The following ABCA2 variants were observed in gnomAD, a reference collection of about 807,000 sequenced individuals.
ABCA2 encodes the protein ATP-binding cassette sub-family A member 2.
ABCA2 carries 84 observed loss-of-function variants against 262.8 expected under a neutral mutation model. That is an observed-to-expected ratio of 0.32 (90% CI 0.27 to 0.38). The LOEUF (loss-of-function observed/expected upper bound fraction) is 0.38. Ranked by LOEUF, ABCA2 falls within the 10% of genes least tolerant of loss-of-function variation. The pLI, the probability that ABCA2 is intolerant of heterozygous loss-of-function variation, is 1.00. For synonymous variants in ABCA2, 1,696 were observed against 1,502.9 expected (o/e 1.13, Z -2.97); for missense variants, 2,662 against 3,405.9 (o/e 0.78, Z 5.44).
chr9:137,015,766 GC>G lies in ABCA2; in HGVS notation c.3422del (p.Gly1141AlafsTer27). The G allele has an allele frequency of 6.2e-7, 1 of 1,612,420 alleles. No individual in the cohort carries two copies. Among genetic ancestry groups the G allele is most frequent in the Non-Finnish European group, 8.5e-7 (1 of 1,179,840 alleles). On this transcript the variant is annotated frameshift_variant, in exon 23 of 49. Coordinates refer to ENST00000341511, the MANE Select transcript of ABCA2 (RefSeq NM_001606.5). LOFTEE classifies it high-confidence loss of function. ...KLSVAIAFVGGSRAIILDEPT... is the reference protein window; with the variant it reads ...KLSVAIAFVGXSRAIILDEPT... ...GCTCGTCCAGGATGATGGCGCGAGA[GC>G]CGCCCACGAAGGCGATGGCCACGGA...
At chr9:137,020,193 G>T in intron 10 of ABCA2, 143 bp downstream of exon 10, 1 of 1,105,778 alleles carries the variant, frequency 9.0e-7, no homozygotes, top group Non-Finnish European at 1.3e-6. Context: ...TCCCCCACCT[G>T]CAGAGCCTGT....
At chr9:137,024,944 G>A (rs1051786558) in intron 1 of ABCA2, among the ~76,000 whole-genome samples, 5 of 152,098 alleles carry the variant, frequency 3.3e-5, no homozygotes, top group Non-Finnish European at 5.9e-5. Flanking sequence ...GACTACAGGC[G>A]CCCGCCACCA....
chr9:137,016,990 A>T lies in ABCA2; in HGVS notation c.2688T>A (p.Ala896=). The T allele has an allele frequency of 6.2e-7, 1 of 1,612,814 alleles. No individual in the cohort carries two copies. The highest frequency in any genetic ancestry group is 8.5e-7 in the Non-Finnish European group (1 of 1,179,980). ...CGGCGTCCACCATCAGCATGGTGAC[A>T]GCCAGGAGCAAGTTGAAGTCGTCCC... is the stretch of plus-strand genomic sequence containing the variant. The part of the protein sequence containing the change: ...VEGDDFNLLL[A]VTMLMVDAVV... The change falls in exon 19 of 49, where the codon GCT becomes GCA. Residue 896 remains alanine (A), a synonymous_variant. Transcript: ENST00000341511.
chr9:137,011,799 G>A lies in ABCA2; in HGVS notation c.5535+45C>T, dbSNP rs554964256. 1.2e-5 allele frequency: 18 copies of A among 1,553,026 alleles called. No individual in the cohort carries two copies. In the Admixed American group the frequency reaches 3.5e-4, roughly 30 times the overall value. ...AGAGACCCGGGGCAGGGCGGGGATGGGGGATGAGAAGGGCCGGGGCACCCC... is the reference window on the plus strand; with the variant it reads ...AGAGACCCGGGGCAGGGCGGGGATGAGGGATGAGAAGGGCCGGGGCACCCC... On this transcript the variant is annotated intron_variant, in intron 35 of 48. Transcript: ENST00000341511. The surrounding 1 kb of genome is among the most constrained non-coding windows in gnomAD (Gnocchi z 8.8).
chr9:137,007,781 A>T lies in ABCA2; in HGVS notation c.*148T>A. 1.8e-6 allele frequency: 2 copies of T among 1,119,728 alleles called. No individual in the cohort carries two copies. Among genetic ancestry groups the T allele is most frequent in the Non-Finnish European group, 2.6e-6 (2 of 775,866 alleles). The allele number at this position is 1,119,728 out of a possible 1,614,324, so 69.4% of individuals were successfully genotyped here. ...GTGACCACAGGGCATGGCCGAGTAC[A>T]GGGGCTGGAGGACCAGAAGCCCCTT... On this transcript the variant is annotated 3_prime_UTR_variant, in exon 49 of 49. Transcript: ENST00000341511.
chr9:137,028,500 C>T (rs1336039385), upstream of ABCA2, among the ~76,000 whole-genome samples: 1 of 151,634 alleles, frequency 6.6e-6, no homozygotes, highest in African/African-American at 2.4e-5. The surrounding 1 kb of genome is among the most constrained non-coding windows in gnomAD (Gnocchi z 6.9). Flanking sequence ...TCCGAGACCC[C>T]GGCTTAGCCT....
rs1464381379 is a variant in ABCA2, at chr9:137,019,721, T to A, written c.1426-415A>T. On this transcript the variant is annotated intron_variant, in intron 10 of 48. Transcript: ENST00000341511. The surrounding 1 kb of genome is among the most constrained non-coding windows in gnomAD (Gnocchi z 4.4). Reference sequence around the variant, plus strand: ...TCAAGCGTGAGTCCCACGCCCGGGCTCTCCACTCCTTTCTGCGGCGCTCAG... The same window carrying A: ...TCAAGCGTGAGTCCCACGCCCGGGCACTCCACTCCTTTCTGCGGCGCTCAG... 9.9e-6 allele frequency: 2 copies of A among 201,938 alleles called. No individual in the cohort carries two copies. Among genetic ancestry groups the A allele is most frequent in the Non-Finnish European group, 2.0e-5 (2 of 97,608 alleles). The allele number at this position is 201,938 out of a possible 1,614,324, so 12.5% of individuals were successfully genotyped here.
chr9:137,015,890 G>T lies in ABCA2; in HGVS notation c.3318-19C>A. The T allele has an allele frequency of 6.2e-7, 1 of 1,607,256 alleles. No individual in the cohort carries two copies. The highest frequency in any genetic ancestry group is 8.5e-7 in the Non-Finnish European group (1 of 1,175,942). The stretch of plus-strand genomic sequence containing the variant: ...GATCATCCTGGGACAGGGAGGTGGG[G>T]CATGGGGCTGCTGCTATGCAGAGCC... On this transcript the variant is annotated intron_variant, in intron 22 of 48. Transcript: ENST00000341511.
At position 137,014,396 on chromosome 9, in the gene ABCA2, C is replaced by A; in HGVS notation, c.4012G>T (p.Glu1338Ter). ...SLENSEADVK[E>*]SRKDVLPGAE... Reference sequence around the variant, plus strand: ...CCAGGGAGCACATCCTTCCTGGACTCCTTCACATCTGCCGCAGTGGAAGGG... The same window carrying A: ...CCAGGGAGCACATCCTTCCTGGACTACTTCACATCTGCCGCAGTGGAAGGG... Residue 1338 changes from glutamate (E) to a stop codon, truncating the protein, a stop_gained, in exon 27 of 49, where the codon GAG (glutamate) becomes TAG (stop). Coordinates refer to ENST00000341511, the MANE Select transcript of ABCA2 (RefSeq NM_001606.5). LOFTEE classifies it high-confidence loss of function. 1 of 1,590,162 alleles carries A rather than the reference C, an allele frequency of 6.3e-7. No homozygotes were observed. Among genetic ancestry groups the A allele is most frequent in the Non-Finnish European group, 8.6e-7 (1 of 1,169,202 alleles).
intron 39 of ABCA2, 21 bp from the exon 40 acceptor site, chr9:137,010,758 G>A: frequency 1.3e-6 from 2 of 1,595,856 alleles, no homozygotes; most frequent in East Asian, 2.2e-5. Context: ...AGGGTGGACA[G>A]TGTCCAGCAG....
chr9:137,021,710 G>A lies in ABCA2; in HGVS notation c.679-100C>T. ...CTGCCCCACCCACTGGCTGGCTCTGGGGCTGCCTGGGTCCCACGACATGCC... is the reference window on the plus strand; with the variant it reads ...CTGCCCCACCCACTGGCTGGCTCTGAGGCTGCCTGGGTCCCACGACATGCC... On this transcript the variant is annotated intron_variant, in intron 7 of 48. Coordinates refer to ENST00000341511, the MANE Select transcript of ABCA2 (RefSeq NM_001606.5). This position sits in a 1 kb window ranked among gnomAD's most constrained non-coding sequence, Gnocchi z 6.0. The A allele has an allele frequency of 7.4e-7, 1 of 1,348,222 alleles. No homozygotes were observed. Among genetic ancestry groups the A allele is most frequent in the Admixed American group, 2.1e-5 (1 of 48,044 alleles). The allele number at this position is 1,348,222 out of a possible 1,614,324, so 83.5% of individuals were successfully genotyped here. A position where few individuals can be genotyped will look rare whatever the true frequency, so the allele number is the denominator to read the frequency against.
At position 137,017,775 on chromosome 9, in the gene ABCA2, C is replaced by T. The variant is rs778938912; in HGVS notation, c.2211+12G>A. On this transcript the variant is annotated intron_variant, in intron 16 of 48. Transcript: ENST00000341511. ...CAGCCCGCGCCTCCAGGGAGAGTCC[C>T]GGCCCGCGCACCTCCTTGAGCCGGT... 29 of 1,611,926 alleles carry T rather than the reference C, an allele frequency of 1.8e-5. No individual in the cohort carries two copies. Among genetic ancestry groups the T allele is most frequent in the Non-Finnish European group, 2.3e-5 (27 of 1,179,608 alleles).
chr9:137,015,831 G>C lies in ABCA2; in HGVS notation c.3358C>G (p.Leu1120Val). 6.2e-7 allele frequency: 1 copy of C among 1,611,710 alleles called. No individual in the cohort carries two copies. Among genetic ancestry groups the C allele is most frequent in the African/African-American group, 1.3e-5 (1 of 75,054 alleles). ...DLELSNKRHSLVQTLSGGMKR... is the reference protein window; with the variant it reads ...DLELSNKRHSVVQTLSGGMKR... ...ATGCCACCCGACAATGTCTGCACCA[G>C]TGAGTGCCGTTTGTTGGAGAGCTCC... The change falls in exon 23 of 49, where the codon CTG becomes GTG. Residue 1120 changes from leucine to valine, a missense_variant. Around this residue, in one of 12 missense-constraint regions of ABCA2, gnomAD observed 180 missense variants for 307.3 expected, o/e 0.59. Coordinates refer to ENST00000341511, the MANE Select transcript of ABCA2 (RefSeq NM_001606.5).
chr9:137,014,604 C>G (rs756239810), intron 26 of ABCA2, 86 bp downstream of exon 26: 1 of 1,526,522 alleles, frequency 6.6e-7, no homozygotes, highest in Non-Finnish European at 8.8e-7. Flanking sequence ...GGTGGCGCCC[C>G]CAGACACCAG....
Position 137,017,062 on chromosome 9 carries a change from G to A in ABCA2, c.2616C>T (p.Ala872=), listed in dbSNP as rs769283609. Residue 872 remains alanine, a synonymous_variant, in exon 19 of 49, where the codon GCC becomes GCT. Transcript: ENST00000341511. ...GSKYFALYEV[A]GVGIQWHTFS... is the part of the protein sequence containing the mutation. ...AGGTGTGCCACTGGATGCCCACGCC[G>A]GCCACCTCATACAGCGCGAAGTACT... The A allele has an allele frequency of 1.9e-5, 31 of 1,612,626 alleles. No homozygotes were observed. In the East Asian group the frequency reaches 3.1e-4, roughly 16 times the overall value.
rs777826954 is a variant in ABCA2, at chr9:137,010,751, G to T, written c.6057-14C>A. Reference sequence around the variant, plus strand: ...ACAGGCATGCGCCTTGGGGGACAGGGTGGACAGTGTCCAGCAGCTCGCCAC... The same window carrying T: ...ACAGGCATGCGCCTTGGGGGACAGGTTGGACAGTGTCCAGCAGCTCGCCAC... On this transcript the variant is annotated splice_polypyrimidine_tract_variant and intron_variant, in intron 39 of 48. Transcript: ENST00000341511. 24 of 1,608,512 alleles carry T rather than the reference G, an allele frequency of 1.5e-5. No homozygotes were observed. In the South Asian group the frequency reaches 2.4e-4, roughly 16 times the overall value.
intron 46 of ABCA2, 39 bp from the exon 47 acceptor site, chr9:137,008,907 C>T (rs375127084): frequency 6.3e-7 from 1 of 1,588,720 alleles, no homozygotes; most frequent in Non-Finnish European, 8.5e-7. Context: ...AGCGCCCCCC[C>T]ACCCCGTAGC....
In ABCA2 at chr9:137,018,034, C is replaced by T. The variant is rs1588519749; in HGVS notation, c.2035G>A (p.Asp679Asn). 6.2e-7 allele frequency: 1 copy of T among 1,612,738 alleles called. No homozygotes were observed. Among genetic ancestry groups the T allele is most frequent in the Middle Eastern group, 1.7e-4 (1 of 6,060 alleles). ...RAIIDTFVGH[D>N]VVEPGSYVQM... Reference sequence around the variant, plus strand: ...ACGTAGCTGCCTGGCTCCACCACATCGTGCCCCACAAAAGTGTCGATGATG... The same window carrying T: ...ACGTAGCTGCCTGGCTCCACCACATTGTGCCCCACAAAAGTGTCGATGATG... Residue 679 changes from aspartate (D) to asparagine (N), a missense_variant, in exon 15 of 49, where the codon GAT (aspartate) becomes AAT (asparagine). Physicochemically the swap from Asp to Asn is conservative, Grantham distance 23. Around this residue, in one of 12 missense-constraint regions of ABCA2, gnomAD observed 188 missense variants for 343.4 expected, o/e 0.55. Transcript: ENST00000341511.
chr9:137,015,946 C>CAGGGGGGGGGGGGGGGGGGGGGGGG lies in ABCA2; in HGVS notation c.3317+15_3317+16insCCCCCCCCCCCCCCCCCCCCCCCCT. On this transcript the variant is annotated intron_variant, in intron 22 of 48. Transcript: ENST00000341511. ...GCCTCCGCCCACCTGCCCCGCCCCCCGCCCAGCCCACCCACTTGTCCATCT... is the reference window on the plus strand; with the variant it reads ...GCCTCCGCCCACCTGCCCCGCCCCCCAGGGGGGGGGGGGGGGGGGGGGGGGGCCCAGCCCACCCACTTGTCCATCT... 4.1e-6 allele frequency: 2 copies of CAGGGGGGGGGGGGGGGGGGGGGGGG among 484,318 alleles called. No homozygotes were observed. The highest frequency in any genetic ancestry group is 7.9e-6 in the Non-Finnish European group (2 of 253,144). The allele number at this position is 484,318 out of a possible 1,614,324, so 30.0% of individuals were successfully genotyped here. A position where few individuals can be genotyped will look rare whatever the true frequency, so the allele number is the denominator to read the frequency against.
Sources: gnomAD v4.1 joint callset for allele counts (sites outside exome capture counted in the v4.1 genomes callset) on GRCh38, gnomAD v4.1.1 for gene constraint, gnomAD v4.1.1 regional missense constraint, Gnocchi (gnomAD v3.1) non-coding constraint, MANE v1.5 for transcripts, NCBI Gene and HGNC (gene_info 2026-07-23, HGNC 2026-07-21) for gene names.